Variants in TENM4 observed in about 807,000 individuals in gnomAD.
The protein encoded by TENM4 is teneurin transmembrane protein 4.
A neutral mutation model predicts 243.3 loss-of-function variants in TENM4; 82 were observed. The ratio of observed to expected loss-of-function variants is 0.34; its 90% confidence interval spans 0.28 to 0.40. The LOEUF (loss-of-function observed/expected upper bound fraction) is 0.40, where lower values mean the gene tolerates loss of function less well. Among genes scored for constraint, TENM4 ranks in the 10% least tolerant of loss-of-function variants. The pLI, the probability that TENM4 is intolerant of heterozygous loss-of-function variation, is 1.00. For missense variants in TENM4, 3,138 were observed against 3,673.3 expected, an observed-to-expected ratio of 0.85 and a Z score of 3.77; for synonymous variants, 1,412 against 1,456.3, an observed-to-expected ratio of 0.97 and a Z score of 0.69.
chr11:79,379,998 TTC>T (rs1857969072), intron 1 of TENM4, among the ~76,000 whole-genome samples: 1 of 152,102 alleles, frequency 6.6e-6, no homozygotes, highest in African/African-American at 2.4e-5. Context: ...TTCAGCCCTT[TTC>T]TGTCTCCACG....
chr11:79,303,411 G>A (rs978547655), intron 1 of TENM4, among the ~76,000 whole-genome samples: 6 of 152,190 alleles, frequency 3.9e-5, no homozygotes, highest in African/African-American at 1.4e-4. Flanking sequence ...CAGTGCTTAT[G>A]TGTCTATGAC....
chr11:79,383,650 G>A (rs1341709361), intron 1 of TENM4, among the ~76,000 whole-genome samples: 2 of 152,110 alleles, frequency 1.3e-5, no homozygotes, highest in Admixed American at 6.5e-5. Context: ...GGGTGCTCAT[G>A]GCCGGTGGGG....
intron 4 of TENM4, among the ~76,000 whole-genome samples, chr11:79,121,997 T>C (rs184565765): frequency 6.6e-6 from 1 of 152,350 alleles, no homozygotes; most frequent in East Asian, 1.9e-4. Context: ...TATCATAGGA[T>C]AACCACTTTT....
intron 1 of TENM4, among the ~76,000 whole-genome samples, chr11:79,303,456 T>C (rs1856580919): frequency 6.6e-6 from 1 of 152,258 alleles, no homozygotes; most frequent in African/African-American, 2.4e-5. Context: ...GTGAATATTA[T>C]TCTAATTGCT....
intron 3 of TENM4, among the ~76,000 whole-genome samples, chr11:79,161,043 C>T (rs534936074): frequency 3.9e-5 from 6 of 152,284 alleles, no homozygotes; most frequent in Non-Finnish European, 8.8e-5. Flanking sequence ...ATCTTTGTCT[C>T]TGGGGTTAAG....
chr11:78,852,193 A>C (rs186226149), intron 12 of TENM4, among the ~76,000 whole-genome samples: 234 of 152,322 alleles, frequency 1.5e-3, no homozygotes, highest in Middle Eastern at 6.8e-3. Flanking sequence ...CAAAGTGATA[A>C]TTTCTACATC....
chr11:79,116,149 G>T (rs1183556979), intron 4 of TENM4, among the ~76,000 whole-genome samples: 1 of 152,218 alleles, frequency 6.6e-6, no homozygotes, highest in Non-Finnish European at 1.5e-5. Context: ...CTTACCGTAG[G>T]TTTCTACAAA....
intron 6 of TENM4, among the ~76,000 whole-genome samples, chr11:78,957,560 A>G (rs1464584601): frequency 1.3e-5 from 2 of 152,230 alleles, no homozygotes; most frequent in Admixed American, 1.3e-4. Context: ...CCCATTTAGA[A>G]AGAAAAATAA....
intron 4 of TENM4, among the ~76,000 whole-genome samples, chr11:79,091,172 C>A (rs1304639194): frequency 2.0e-5 from 3 of 152,168 alleles, no homozygotes; most frequent in African/African-American, 7.2e-5. Flanking sequence ...TTTAAGCAAT[C>A]AGATCTTTGT....
intron 3 of TENM4, among the ~76,000 whole-genome samples, chr11:79,209,840 G>A (rs750271931): frequency 2.6e-5 from 4 of 152,160 alleles, no homozygotes; most frequent in Non-Finnish European, 5.9e-5. Flanking sequence ...AGGCAGGCCT[G>A]GCTTCAAACT....
In TENM4 at chr11:79,392,487, G is replaced by A. The variant is rs1858255700; in HGVS notation, c.-321+48022C>T. Reference sequence around the variant, plus strand: ...CCCTTTAGAAAAGGAAAGTCGCAGGGAGAATATACACCCACATGTTTCTTT... The same window carrying A: ...CCCTTTAGAAAAGGAAAGTCGCAGGAAGAATATACACCCACATGTTTCTTT... On this transcript the variant is annotated intron_variant, in intron 1 of 33. Transcript: ENST00000278550. 2.0e-5 allele frequency among the ~76,000 whole-genome samples: 3 copies of A among 152,328 alleles called. No individual in the cohort carries two copies. In the South Asian group the frequency reaches 6.2e-4, roughly 32 times the overall value.
chr11:78,914,368 C>T (rs575076439), intron 6 of TENM4, among the ~76,000 whole-genome samples: 2 of 152,248 alleles, frequency 1.3e-5, no homozygotes, highest in South Asian at 2.1e-4. Context: ...AGGAGTAAAT[C>T]TACTCCATGG....
At chr11:79,343,164 G>A (rs185103934) in intron 1 of TENM4, among the ~76,000 whole-genome samples, 80 of 152,338 alleles carry the variant, frequency 5.3e-4, no homozygotes, top group Non-Finnish European at 3.5e-4. Context: ...CCTCCTCCTG[G>A]CCCCTGGAAG....
chr11:78,934,328 A>C (rs1041378363), intron 6 of TENM4, among the ~76,000 whole-genome samples: 1 of 152,216 alleles, frequency 6.6e-6, no homozygotes, highest in South Asian at 2.1e-4. Context: ...AAAGGCACAA[A>C]CACAAACCCT....
chr11:79,291,533 C>T (rs1490757667), intron 2 of TENM4, among the ~76,000 whole-genome samples: 1 of 151,954 alleles, frequency 6.6e-6, no homozygotes, highest in Non-Finnish European at 1.5e-5. Context: ...AGGGTGGGGG[C>T]CTAGAAGTCA....
chr11:79,359,171 C>G (rs924444918), intron 1 of TENM4, among the ~76,000 whole-genome samples: 2 of 152,030 alleles, frequency 1.3e-5, no homozygotes, highest in African/African-American at 4.8e-5. Context: ...GAGGCTGAGG[C>G]AGGAGGATTC....
rs192353604 is a variant in TENM4, at chr11:79,221,437, C to G, written c.-264-5528G>C. Among the ~76,000 whole-genome samples, 335 of 151,568 alleles carry G rather than the reference C, an allele frequency of 2.2e-3. 2 individuals are homozygous for G. Among genetic ancestry groups the G allele is most frequent in the Non-Finnish European group, 4.2e-3 (286 of 67,892 alleles). Reference sequence around the variant, plus strand: ...AGCTGCTGCTTGTGGACTCAAAGACCAATTTTCACATTAAAAAGGGGGAAA... The same window carrying G: ...AGCTGCTGCTTGTGGACTCAAAGACGAATTTTCACATTAAAAAGGGGGAAA... On this transcript the variant is annotated intron_variant, in intron 2 of 33. Coordinates refer to ENST00000278550, the MANE Select transcript of TENM4 (RefSeq NM_001098816.3).
chr11:79,391,129 T>C (rs989236835), intron 1 of TENM4, among the ~76,000 whole-genome samples: 8 of 152,328 alleles, frequency 5.3e-5, no homozygotes, highest in African/African-American at 9.6e-5. Context: ...CTAAAAATAG[T>C]TGCCACCTGA....
rs558146465 is a variant in TENM4 at position 79,363,006 on chromosome 11, G to T, written c.-320-65463C>A. ...TTGCCTGACTGGCGATTAGTCTGACGTGGATGACAAGCAGATCATTGGACA... is the reference window on the plus strand; with the variant it reads ...TTGCCTGACTGGCGATTAGTCTGACTTGGATGACAAGCAGATCATTGGACA... On this transcript the variant is annotated intron_variant, in intron 1 of 33. Transcript: ENST00000278550. Among the ~76,000 whole-genome samples, 6 of 152,342 alleles carry T rather than the reference G, an allele frequency of 3.9e-5. No individual in the cohort carries two copies. The East Asian group carries it at 1.2e-3, about 29-fold the overall frequency.
Sources: allele counts gnomAD v4.1 joint callset (sites outside exome capture counted in the v4.1 genomes callset), GRCh38; gene constraint gnomAD v4.1.1; transcripts MANE v1.5; gene names NCBI Gene and HGNC (gene_info 2026-07-23, HGNC 2026-07-21).